TXNRD1: variants seen among roughly 807,000 people sequenced by gnomAD.
TXNRD1 encodes the protein thioredoxin reductase 1, cytoplasmic.
In TXNRD1, 57 loss-of-function variants were observed where a neutral mutation model predicts 80.3. The ratio of observed to expected loss-of-function variants is 0.71; its 90% CI spans 0.57 to 0.89. The LOEUF is 0.89. Ranked by LOEUF, TXNRD1 falls within the 40% of genes least tolerant of loss-of-function variation. The pLI, the probability that TXNRD1 is intolerant of heterozygous loss-of-function variation, is 0.00. For missense variants in TXNRD1, 730 were observed against 803.0 expected (o/e 0.91, Z 1.10); for synonymous variants, 291 against 285.2 (o/e 1.02, Z -0.20).
intron 3 of TXNRD1, among the ~76,000 whole-genome samples, chr12:104,275,509 G>A (rs2033739125): frequency 6.6e-6 from 1 of 151,682 alleles, no homozygotes; most frequent in South Asian, 2.1e-4. Flanking sequence ...TCAGCCTCCT[G>A]AGTAGCTGGG....
intron 3 of TXNRD1, among the ~76,000 whole-genome samples, chr12:104,286,406 C>T (rs569393508): frequency 6.6e-6 from 1 of 152,180 alleles, no homozygotes; most frequent in Non-Finnish European, 1.5e-5. Flanking sequence ...AAGAGGTGCT[C>T]TCAGGGGAAG....
chr12:104,254,475 C>G (rs898743187), intron 2 of TXNRD1, among the ~76,000 whole-genome samples: 1 of 151,252 alleles, frequency 6.6e-6, no homozygotes, highest in Non-Finnish European at 1.5e-5. Context: ...TTCGGTCACT[C>G]TACTCATATT....
intron 5 of TXNRD1, among the ~76,000 whole-genome samples, 181 bp from the exon 6 acceptor site, chr12:104,313,064 A>G (rs1418426003): frequency 6.6e-6 from 1 of 152,172 alleles, no homozygotes; most frequent in Non-Finnish European, 1.5e-5. Context: ...AACTATCTGA[A>G]TATCTGTTAA....
At chr12:104,306,907 T>C (rs78795645) in intron 4 of TXNRD1, among the ~76,000 whole-genome samples, 2,332 of 152,328 alleles carry the variant, frequency 0.015, 61 homozygotes, top group African/African-American at 0.052. Flanking sequence ...CCCAGTACTT[T>C]ACTGACATTC....
chr12:104,247,371 T>G (rs2033017999), intron 1 of TXNRD1, among the ~76,000 whole-genome samples: 1 of 152,092 alleles, frequency 6.6e-6, no homozygotes, highest in South Asian at 2.1e-4. Flanking sequence ...CCTGGCCCAT[T>G]ACAGTTTTAT....
At chr12:104,303,506 G>GT (rs953316922) in intron 4 of TXNRD1, among the ~76,000 whole-genome samples, 23 of 151,688 alleles carry the variant, frequency 1.5e-4, no homozygotes, top group African/African-American at 3.1e-4. Context: ...GTCCAAAAGT[G>GT]TTTTTTTTTA....
At chr12:104,339,012 G>A (rs891789830) in intron 15 of TXNRD1, 127 bp from the exon 16 acceptor site, 43 of 1,303,924 alleles carry the variant, frequency 3.3e-5, no homozygotes, top group Middle Eastern at 4.9e-4. Flanking sequence ...CACTGCGCCC[G>A]GCCAGTCTCT....
chr12:104,326,028 G>A (rs1434203568), intron 11 of TXNRD1, among the ~76,000 whole-genome samples: 3 of 151,912 alleles, frequency 2.0e-5, no homozygotes, highest in Admixed American at 6.6e-5. Flanking sequence ...ATCTCCCCAC[G>A]CAACCACTTA....
chr12:104,300,845 C>T (rs2034598108), intron 4 of TXNRD1, among the ~76,000 whole-genome samples: 1 of 152,124 alleles, frequency 6.6e-6, no homozygotes, highest in African/African-American at 2.4e-5. Context: ...GTGGTTTCTC[C>T]ATATTGATCA....
intron 10 of TXNRD1, among the ~76,000 whole-genome samples, chr12:104,322,374 C>CTTTTTTTTTTTTTTTTTTTTTTTT: frequency 1.6e-5 from 1 of 61,544 alleles, no homozygotes; most frequent in Non-Finnish European, 2.9e-5. Flanking sequence ...TTATTTTTAC[C>CTTTTTTTTTTTTTTTTTTTTTTTT]TTTTTTTTTT....
In TXNRD1 at chr12:104,265,275, T is replaced by C. The variant is rs967047722; in HGVS notation, c.304+7196T>C. ...TAAAAAAAAAAAAAAAAAAACTTCC[T>C]TTTGCGGGTGGCGGCGAACGCGGAG... On this transcript the variant is annotated intron_variant, in intron 3 of 16. Transcript: ENST00000525566. 34 of 1,536,322 alleles carry C rather than the reference T, an allele frequency of 2.2e-5. No homozygotes were observed. In the African/African-American group the frequency reaches 4.3e-4, roughly 19 times the overall value.
intron 1 of TXNRD1, among the ~76,000 whole-genome samples, chr12:104,249,397 C>A (rs561813667): frequency 1.3e-5 from 2 of 152,088 alleles, no homozygotes; most frequent in African/African-American, 2.4e-5. Flanking sequence ...CAGATCATAG[C>A]GCTTATATCT....
At chr12:104,247,360 G>A (rs1184126985) in intron 1 of TXNRD1, among the ~76,000 whole-genome samples, 2 of 152,176 alleles carry the variant, frequency 1.3e-5, no homozygotes, top group African/African-American at 2.4e-5. Flanking sequence ...GAGCCACCAC[G>A]CCTGGCCCAT....
chr12:104,290,696 CAA>C (rs1317106811), intron 4 of TXNRD1, among the ~76,000 whole-genome samples: 6 of 31,092 alleles, frequency 1.9e-4, no homozygotes, highest in Non-Finnish European at 2.7e-4. Flanking sequence ...GACCCTGTCT[CAA>C]AAAAAAAAAA....
intron 16 of TXNRD1, among the ~76,000 whole-genome samples, chr12:104,345,720 T>TA (rs1275035835): frequency 3.9e-5 from 6 of 152,312 alleles, no homozygotes; most frequent in African/African-American, 1.4e-4. Flanking sequence ...TGTAATGTCT[T>TA]AAATGAATTT....
intron 2 of TXNRD1, among the ~76,000 whole-genome samples, chr12:104,255,525 G>A (rs139909495): frequency 1.4e-4 from 22 of 152,168 alleles, no homozygotes; most frequent in African/African-American, 5.3e-4. Context: ...TTGCCCGAGC[G>A]CAGTGACTCA....
Position 104,348,404 on chromosome 12 carries a change from G to A in TXNRD1, c.1933G>A (p.Ala645Thr). The change falls in exon 17 of 17, where the codon GCT becomes ACT. Residue 645 changes from alanine to threonine, a missense_variant. Coordinates refer to ENST00000525566, the MANE Select transcript of TXNRD1 (RefSeq NM_001093771.3). ...GCGCTCTGGGGCAAGCATCCTCCAG[G>A]CTGGCTGCTGAGGTTAAGCCCCAGT... Reference protein sequence around the residue: ...TKRSGASILQAGCUG With the variant: ...TKRSGASILQTGCUG 1 of 1,613,980 alleles carries A rather than the reference G, an allele frequency of 6.2e-7. No individual in the cohort carries two copies.
chr12:104,299,496 C>T (rs1483539110), intron 4 of TXNRD1, among the ~76,000 whole-genome samples: 1 of 152,016 alleles, frequency 6.6e-6, no homozygotes, highest in Non-Finnish European at 1.5e-5. Flanking sequence ...CTGCCAGGCA[C>T]AGTGGCTCAC....
At chr12:104,346,955 C>A (rs1450711741) in intron 16 of TXNRD1, among the ~76,000 whole-genome samples, 1 of 152,076 alleles carries the variant, frequency 6.6e-6, no homozygotes, top group East Asian at 1.9e-4. Context: ...ATTATCCGAG[C>A]ATGGTGGCAG....
Sources: gnomAD v4.1 joint callset for allele counts (sites outside exome capture counted in the v4.1 genomes callset) on GRCh38, gnomAD v4.1.1 for gene constraint, MANE v1.5 for transcripts, NCBI Gene and HGNC (gene_info 2026-07-23, HGNC 2026-07-21) for gene names.